The following LNPK variants were observed in gnomAD, a reference collection of about 807,000 sequenced individuals.
The protein encoded by LNPK is lunapark, ER junction formation factor.
A neutral mutation model predicts 55.2 loss-of-function variants in LNPK; 29 were observed. The observed-to-expected ratio is 0.53, with a 90% CI of 0.39 to 0.72. LNPK has a LOEUF of 0.72. Ranked by LOEUF, LNPK falls within the 30% of genes least tolerant of loss-of-function variation. The pLI is 0.00. For missense variants in LNPK, 467 were observed against 494.8 expected, an observed-to-expected ratio of 0.94 and a Z score of 0.53; for synonymous variants, 162 against 168.2, an observed-to-expected ratio of 0.96 and a Z score of 0.29.
At chr2:175,979,050 G>C (rs1687043281) in intron 5 of LNPK, among the ~76,000 whole-genome samples, 1 of 151,996 alleles carries the variant, frequency 6.6e-6, no homozygotes, top group Non-Finnish European at 1.5e-5. Flanking sequence ...TGATACTTAT[G>C]AGATAACTGA....
In LNPK at chr2:175,964,398, G is replaced by T. The variant is rs759163033; in HGVS notation, c.467C>A (p.Ala156Glu). 1.3e-5 allele frequency: 21 copies of T among 1,613,410 alleles called. No homozygotes were observed. The highest frequency in any genetic ancestry group is 1.7e-5 in the Non-Finnish European group (20 of 1,179,528). Residue 156 changes from alanine to glutamate, a missense_variant, in exon 8 of 13, where the codon GCA (alanine) becomes GAA (glutamate). Physicochemically the swap from Ala to Glu is moderately radical, Grantham distance 107. Transcript: ENST00000272748. Reference protein sequence around the residue: ...AKECEPPSAGAAVTARPGQEI... With the variant: ...AKECEPPSAGEAVTARPGQEI... ...TTGTCCAGGTCTTGCAGTTACAGCT[G>T]CTCCAGCAGATGGCGGCTCACACTC... is the stretch of plus-strand genomic sequence containing the variant.
At chr2:175,958,352 C>T (rs532607197) in intron 8 of LNPK, among the ~76,000 whole-genome samples, 8 of 152,260 alleles carry the variant, frequency 5.3e-5, no homozygotes, top group South Asian at 4.1e-4. Flanking sequence ...CCCTCTGGGA[C>T]GAAGCGTCCA....
intron 1 of LNPK, among the ~76,000 whole-genome samples, chr2:175,997,905 A>G (rs1228624900): frequency 7.0e-6 from 1 of 141,938 alleles, no homozygotes; most frequent in Non-Finnish European, 1.5e-5. Flanking sequence ...CACCCGGCTA[A>G]TTTTTTTTTT....
chr2:175,966,099 C>T (rs1234660046), intron 6 of LNPK, among the ~76,000 whole-genome samples: 1 of 152,168 alleles, frequency 6.6e-6, no homozygotes, highest in Non-Finnish European at 1.5e-5. Context: ...TAGATGGAGT[C>T]TCACTCTGTC....
In LNPK at chr2:175,937,554, A is replaced by G. The variant is rs1385595180; in HGVS notation, c.884-40T>C. The G allele has an allele frequency of 1.2e-5, 18 of 1,503,082 alleles. No homozygotes were observed. In the East Asian group the frequency reaches 3.0e-4, roughly 25 times the overall value. 93.1% of individuals were successfully genotyped at this position (1,503,082 alleles called of 1,614,324 possible). A position where few individuals can be genotyped will look rare whatever the true frequency, so the allele number is the denominator to read the frequency against. On this transcript the variant is annotated intron_variant, in intron 11 of 12. Coordinates refer to ENST00000272748, the MANE Select transcript of LNPK (RefSeq NM_030650.3). ...TTAAAAATAAGCAAAACCACAAACC[A>G]AGCAAAGTTCAAGAACTAATTAGTT...
chr2:175,937,525 T>A lies in LNPK; in HGVS notation c.884-11A>T. The A allele has an allele frequency of 1.2e-6, 2 of 1,600,392 alleles. No homozygotes were observed. Among genetic ancestry groups the A allele is most frequent in the Non-Finnish European group, 1.7e-6 (2 of 1,174,356 alleles). ...AGGCACATCGAAAAGCTGCAGAGAA[T>A]TTTTTAAAAATAAGCAAAACCACAA... On this transcript the variant is annotated splice_polypyrimidine_tract_variant and intron_variant, in intron 11 of 12. Transcript: ENST00000272748.
chr2:175,929,795 TTTAA>T lies in LNPK; in HGVS notation c.*168_*171del. 1 of 1,429,450 alleles carries T rather than the reference TTTAA, an allele frequency of 7.0e-7. No individual in the cohort carries two copies. The highest frequency in any genetic ancestry group is 9.1e-7 in the Non-Finnish European group (1 of 1,095,734). 88.5% of individuals were successfully genotyped at this position (1,429,450 alleles called of 1,614,324 possible). On this transcript the variant is annotated 3_prime_UTR_variant, in exon 13 of 13. Coordinates refer to ENST00000272748, the MANE Select transcript of LNPK (RefSeq NM_030650.3). ...TTCACTGATATAACTTGCTTTTAAT[TTTAA>T]TACCCAGTATATATAACTTTGAGAT...
chr2:175,924,433 G>C lies in LNPK; in HGVS notation c.*5534C>G, dbSNP rs1331621197. 6.6e-6 allele frequency: 1 copy of C among 152,136 alleles called. No homozygotes were observed. Among genetic ancestry groups the C allele is most frequent in the Admixed American group, 6.6e-5 (1 of 15,266 alleles). The allele number at this position is 152,136 out of a possible 1,614,324, so 9.4% of individuals were successfully genotyped here. A position where few individuals can be genotyped will look rare whatever the true frequency, so the allele number is the denominator to read the frequency against. On this transcript the variant is annotated 3_prime_UTR_variant, in exon 13 of 13. Coordinates refer to ENST00000272748, the MANE Select transcript of LNPK (RefSeq NM_030650.3). ...TTGCTGTCCACTGGAAATAAAAGTA[G>C]ACTTATAAGGTCTTATTTTTTAAAT...
chr2:175,999,965 C>CAAA (rs1688101869), intron 1 of LNPK, among the ~76,000 whole-genome samples: 2 of 152,128 alleles, frequency 1.3e-5, no homozygotes, highest in Non-Finnish European at 2.9e-5. Flanking sequence ...GGGGTTTCCC[C>CAAA]ATGTTGCCCA....
intron 12 of LNPK, among the ~76,000 whole-genome samples, chr2:175,930,409 A>G (rs190395113): frequency 4.5e-4 from 68 of 152,222 alleles, no homozygotes; most frequent in Middle Eastern, 3.4e-3. Flanking sequence ...GAAGAAAAAA[A>G]AAGTAATTCA....
At chr2:175,966,342 G>A (rs1187703070) in intron 6 of LNPK, among the ~76,000 whole-genome samples, 2 of 152,188 alleles carry the variant, frequency 1.3e-5, no homozygotes, top group African/African-American at 4.8e-5. Context: ...GGGATTACAG[G>A]TGTGAGCCAC....
chr2:175,936,515 T>C (rs1684551870), intron 12 of LNPK, among the ~76,000 whole-genome samples: 1 of 152,196 alleles, frequency 6.6e-6, no homozygotes, highest in African/African-American at 2.4e-5. Context: ...ACTTCTAATA[T>C]GCATTTTTTT....
chr2:175,979,920 T>C (rs1444815579), intron 4 of LNPK, 52 bp from the exon 5 acceptor site: 6 of 1,452,498 alleles, frequency 4.1e-6, no homozygotes, highest in Non-Finnish European at 5.6e-6. Context: ...AAAAAGCGAA[T>C]TAGAAGCCAT....
In LNPK at chr2:175,978,071, A is replaced by G. The variant is rs763975053; in HGVS notation, c.316+1739T>C. ...TTGAGACCCTACTGAGTACAGGTAG[A>G]GCTAACTTTACATACATTCAGCCCT... On this transcript the variant is annotated intron_variant, in intron 5 of 12. Transcript: ENST00000272748. Among the ~76,000 whole-genome samples the G allele has an allele frequency of 2.6e-5, 4 of 152,312 alleles. No homozygotes were observed. In the South Asian group the frequency reaches 8.3e-4, roughly 32 times the overall value.
chr2:175,992,354 C>A lies in LNPK; in HGVS notation c.134G>T (p.Arg45Ile), dbSNP rs1246105460. Residue 45 changes from arginine to isoleucine, a missense_variant, in exon 4 of 13, where the codon AGA becomes ATA. By Grantham distance (97) the Arg-to-Ile change is moderately conservative. Coordinates refer to ENST00000272748, the MANE Select transcript of LNPK (RefSeq NM_030650.3). ...NQRLQKLWVG[R>I]LILYSSVLYL... is the part of the protein sequence containing the mutation. Reference sequence around the variant, plus strand: ...GAGAACTGAGGAATACAGAATTAATCTTCCAACCCATAATTTTTGTAATCT... The same window carrying A: ...GAGAACTGAGGAATACAGAATTAATATTCCAACCCATAATTTTTGTAATCT... 1.3e-6 allele frequency: 2 copies of A among 1,537,236 alleles called. No individual in the cohort carries two copies. The highest frequency in any genetic ancestry group is 1.7e-6 in the Non-Finnish European group (2 of 1,148,506).
At chr2:175,963,963 A>C (rs1686202727) in intron 8 of LNPK, among the ~76,000 whole-genome samples, 3 of 152,082 alleles carry the variant, frequency 2.0e-5, no homozygotes. Context: ...TTTTATTCTA[A>C]AGTGTTATTT....
intron 8 of LNPK, among the ~76,000 whole-genome samples, chr2:175,962,278 G>A (rs1204660306): frequency 6.6e-6 from 1 of 152,162 alleles, no homozygotes; most frequent in Non-Finnish European, 1.5e-5. Flanking sequence ...AAAGCTGGAG[G>A]CATCACACTT....
Position 175,947,691 on chromosome 2 carries a change from C to T in LNPK, c.495G>A (p.Glu165=), listed in dbSNP as rs145679291. 5 of 1,608,994 alleles carry T rather than the reference C, an allele frequency of 3.1e-6. No homozygotes were observed. The African/African-American group carries it at 4.0e-5, about 13-fold the overall frequency. ...TTTGAGCTGCAGTTCGCTGACGAAT[C>T]TCTGAGAAGAGTAAGTACATACTAG... ...GAAVTARPGQ[E]IRQRTAAQRN... Residue 165 remains glutamate, a splice_region_variant and synonymous_variant, in exon 9 of 13, where the codon GAG becomes GAA. Transcript: ENST00000272748.
chr2:175,971,458 T>G (rs763295356), intron 5 of LNPK, among the ~76,000 whole-genome samples: 31 of 152,162 alleles, frequency 2.0e-4, no homozygotes, highest in Non-Finnish European at 3.4e-4. Context: ...CTAGTTTTTC[T>G]CTAGAAATAT....
Sources: allele counts gnomAD v4.1 joint callset (sites outside exome capture counted in the v4.1 genomes callset), GRCh38; gene constraint gnomAD v4.1.1; transcripts MANE v1.5; gene names NCBI Gene and HGNC (gene_info 2026-07-23, HGNC 2026-07-21).